The following PRKN variants were observed in gnomAD, a reference collection of about 807,000 sequenced individuals.
PRKN encodes the protein parkin RBR E3 ubiquitin protein ligase.
PRKN carries 56 observed loss-of-function variants against 59.5 expected under a neutral mutation model. The observed-to-expected ratio is 0.94, with a 90% confidence interval of 0.76 to 1.18. The LOEUF is 1.18. PRKN is among the 50% of genes most tolerant of loss of function. The probability of loss-of-function intolerance (pLI) is 0.00; values close to 1 mark genes in which losing one functional copy is unlikely to be tolerated. For synonymous variants in PRKN, 250 were observed against 222.1 expected (o/e 1.13, Z -1.12); for missense variants, 657 against 596.4 (o/e 1.10, Z -1.06).
rs548635095 is a variant in PRKN, at chr6:162,100,831, A to G, written c.535-46657T>C. ...ATGATAATTTTTTCCCTGATAATTT[A>G]TGATGTGGAGTATTTTTTCATATAC... On this transcript the variant is annotated intron_variant, in intron 4 of 11. Coordinates refer to ENST00000366898, the MANE Select transcript of PRKN (RefSeq NM_004562.3). Among the ~76,000 whole-genome samples, 26 of 152,274 alleles carry G rather than the reference A, an allele frequency of 1.7e-4. No individual in the cohort carries two copies. The South Asian group carries it at 2.5e-3, about 15-fold the overall frequency.
intron 4 of PRKN, among the ~76,000 whole-genome samples, chr6:162,113,024 A>G (rs886419402): frequency 6.6e-6 from 1 of 152,196 alleles, no homozygotes; most frequent in Admixed American, 6.5e-5. Context: ...TTTCATTTTC[A>G]TGAAAATGGA....
chr6:161,907,819 T>G (rs1778205146), intron 6 of PRKN, among the ~76,000 whole-genome samples: 1 of 152,184 alleles, frequency 6.6e-6, no homozygotes, highest in South Asian at 2.1e-4. Context: ...GGCTTATGCC[T>G]ATCGTCCCAG....
chr6:161,601,640 T>A (rs900142640), intron 7 of PRKN, among the ~76,000 whole-genome samples: 2 of 151,478 alleles, frequency 1.3e-5, no homozygotes, highest in Non-Finnish European at 2.9e-5. Flanking sequence ...TGGAGTGCAG[T>A]GGCGCGATCT....
intron 4 of PRKN, among the ~76,000 whole-genome samples, chr6:162,092,821 G>C (rs1333025853): frequency 6.6e-6 from 1 of 152,174 alleles, no homozygotes; most frequent in Non-Finnish European, 1.5e-5. Flanking sequence ...GGATGCTGAC[G>C]AAGTAGAAAA....
intron 4 of PRKN, among the ~76,000 whole-genome samples, chr6:162,184,832 A>G (rs1223843209): frequency 1.3e-5 from 2 of 152,180 alleles, no homozygotes; most frequent in Non-Finnish European, 2.9e-5. Flanking sequence ...AATATTGAGA[A>G]GTTTTGGTAT....
intron 1 of PRKN, among the ~76,000 whole-genome samples, chr6:162,657,712 A>C (rs1417907089): frequency 6.6e-6 from 1 of 152,222 alleles, no homozygotes; most frequent in Non-Finnish European, 1.5e-5. Context: ...ACTGAAAATT[A>C]GTGGAAGACC....
At chr6:162,289,116 T>C (rs2128108627) in intron 2 of PRKN, among the ~76,000 whole-genome samples, 1 of 152,184 alleles carries the variant, frequency 6.6e-6, no homozygotes, top group Non-Finnish European at 1.5e-5. Flanking sequence ...CTCACAGCTC[T>C]GGAGGCCAGA....
chr6:161,499,712 T>C lies in PRKN; in HGVS notation c.1083+49142A>G, dbSNP rs114759309. On this transcript the variant is annotated intron_variant, in intron 9 of 11. Coordinates refer to ENST00000366898, the MANE Select transcript of PRKN (RefSeq NM_004562.3). This position sits in a 1 kb window ranked among gnomAD's most constrained non-coding sequence, Gnocchi z 4.2. The stretch of plus-strand genomic sequence containing the variant: ...AGTAACCCTTTCCCTTGACAATTCT[T>C]AGGCACAATTAATCTTGAGAATTAC... 4.7e-3 allele frequency among the ~76,000 whole-genome samples: 710 copies of C among 152,304 alleles called. 7 individuals carry two copies. Among genetic ancestry groups the C allele is most frequent in the Middle Eastern group, 0.017 (5 of 294 alleles).
chr6:162,432,922 AG>A, intron 2 of PRKN, among the ~76,000 whole-genome samples: 1 of 152,334 alleles, frequency 6.6e-6, no homozygotes, highest in African/African-American at 2.4e-5. Flanking sequence ...GCATTAAAAA[AG>A]TAAACTCCAT....
intron 2 of PRKN, among the ~76,000 whole-genome samples, chr6:162,325,627 C>T (rs778196468): frequency 1.3e-5 from 2 of 152,064 alleles, no homozygotes; most frequent in South Asian, 2.1e-4. Flanking sequence ...GCAGCTTCCC[C>T]GAAAGCTCAG....
chr6:162,577,193 C>G (rs951921065), intron 1 of PRKN, among the ~76,000 whole-genome samples: 2 of 151,608 alleles, frequency 1.3e-5, no homozygotes, highest in African/African-American at 4.9e-5. Context: ...ATAAATACCC[C>G]CAATAAATAA....
rs577511871 is a variant in PRKN at position 161,814,817 on chromosome 6, T to A, written c.735-28909A>T. Among the ~76,000 whole-genome samples, 4 of 152,160 alleles carry A rather than the reference T, an allele frequency of 2.6e-5. No individual in the cohort carries two copies. The South Asian group carries it at 8.3e-4, about 32-fold the overall frequency. ...GCGCCCAGCCGGGAACTGCCTTTCA[T>A]AGAACTATCAGGTCTCATGAAACTT... On this transcript the variant is annotated intron_variant, in intron 6 of 11. Transcript: ENST00000366898.
intron 1 of PRKN, among the ~76,000 whole-genome samples, chr6:162,680,524 T>C (rs1026682703): frequency 6.6e-6 from 1 of 152,054 alleles, no homozygotes; most frequent in Non-Finnish European, 1.5e-5. Flanking sequence ...GATAAAGTAA[T>C]GAGAGAGCAA....
chr6:161,422,825 G>C (rs527828526), intron 9 of PRKN, among the ~76,000 whole-genome samples: 4 of 152,246 alleles, frequency 2.6e-5, no homozygotes, highest in South Asian at 4.1e-4. Flanking sequence ...TTCTAGGCTG[G>C]TAATTTCCCA....
At chr6:161,827,787 C>T (rs976662375) in intron 6 of PRKN, among the ~76,000 whole-genome samples, 2 of 152,148 alleles carry the variant, frequency 1.3e-5, no homozygotes, top group Admixed American at 6.5e-5. Context: ...GGATTACAAG[C>T]GTGAGCCAGC....
intron 1 of PRKN, among the ~76,000 whole-genome samples, chr6:162,553,039 G>A (rs1373753576): frequency 1.3e-5 from 2 of 152,124 alleles, no homozygotes; most frequent in African/African-American, 2.4e-5. Context: ...TGCTGTCTCA[G>A]GGGAGGAAAG....
intron 6 of PRKN, among the ~76,000 whole-genome samples, chr6:161,935,730 G>T (rs1779333538): frequency 6.6e-6 from 1 of 152,100 alleles, no homozygotes; most frequent in Admixed American, 6.5e-5. Context: ...ATGCCCCAAA[G>T]AAATGAGCAG....
At chr6:161,974,813 G>A (rs1780961776) in intron 5 of PRKN, among the ~76,000 whole-genome samples, 1 of 152,176 alleles carries the variant, frequency 6.6e-6, no homozygotes, top group Non-Finnish European at 1.5e-5. Context: ...GACAAACTTT[G>A]ATGTAAAGTG....
intron 7 of PRKN, among the ~76,000 whole-genome samples, chr6:161,741,816 T>C (rs916519992): frequency 6.6e-6 from 1 of 152,248 alleles, no homozygotes; most frequent in Admixed American, 6.5e-5. Context: ...CCCACCCAAA[T>C]CTCATTGTGA....
Sources: gnomAD v4.1 joint callset for allele counts (sites outside exome capture counted in the v4.1 genomes callset) on GRCh38, gnomAD v4.1.1 for gene constraint, Gnocchi (gnomAD v3.1) non-coding constraint, MANE v1.5 for transcripts, NCBI Gene and HGNC (gene_info 2026-07-23, HGNC 2026-07-21) for gene names.